MXI1: variants seen among roughly 807,000 people sequenced by gnomAD.
MXI1 encodes max-interacting protein 1.
In MXI1, 18 loss-of-function variants were observed where a neutral mutation model predicts 36.9. The ratio of observed to expected loss-of-function variants is 0.49; its 90% CI spans 0.34 to 0.72. The LOEUF is 0.72. Among genes scored for constraint, MXI1 ranks in the 30% least tolerant of loss-of-function variants. The pLI, the probability that MXI1 is intolerant of heterozygous loss-of-function variation, is 0.01. For missense variants in MXI1, 304 were observed against 379.1 expected (o/e 0.80, Z 1.64); for synonymous variants, 160 against 146.7 (o/e 1.09, Z -0.65).
intron 3 of MXI1, among the ~76,000 whole-genome samples, chr10:110,246,683 A>G (rs566001986): frequency 1.3e-5 from 2 of 152,316 alleles, no homozygotes; most frequent in East Asian, 1.9e-4. Context: ...CATTTGAGGC[A>G]TGTATAGGAG....
chr10:110,210,945 G>A (rs966744379), intron 1 of MXI1, among the ~76,000 whole-genome samples: 1 of 152,206 alleles, frequency 6.6e-6, no homozygotes, highest in African/African-American at 2.4e-5. Flanking sequence ...TTGGGGGAGG[G>A]AGAGGGATCT....
intron 1 of MXI1, among the ~76,000 whole-genome samples, chr10:110,224,966 T>G (rs1232483798): frequency 6.6e-6 from 1 of 152,202 alleles, no homozygotes; most frequent in Non-Finnish European, 1.5e-5. Context: ...TCTTTTAATG[T>G]GGTCTCCGCT....
intron 1 of MXI1, chr10:110,227,872 T>C: frequency 3.1e-6 from 1 of 319,108 alleles, no homozygotes; most frequent in Non-Finnish European, 6.0e-6. Context: ...GCGAAGTCAA[T>C]GAGGTGAATG....
At chr10:110,246,157 C>T (rs1037051279) in intron 3 of MXI1, among the ~76,000 whole-genome samples, 2 of 151,526 alleles carry the variant, frequency 1.3e-5, no homozygotes, top group Middle Eastern at 3.2e-3. Flanking sequence ...TGCCCTCCAT[C>T]TCTACCAAAA....
At chr10:110,226,052 G>A in intron 1 of MXI1, 1 of 990,434 alleles carries the variant, frequency 1.0e-6, no homozygotes, top group Non-Finnish European at 1.2e-6. Context: ...CGCGGCTGGG[G>A]CGGCAGGGGC....
intron 2 of MXI1, among the ~76,000 whole-genome samples, chr10:110,237,531 C>A (rs1350375617): frequency 1.3e-5 from 2 of 152,032 alleles, no homozygotes; most frequent in African/African-American, 4.8e-5. Flanking sequence ...TGAAATAAAT[C>A]CTACTTATTC....
intron 3 of MXI1, among the ~76,000 whole-genome samples, chr10:110,266,091 TAC>T (rs1431418154): frequency 6.6e-6 from 1 of 151,240 alleles, no homozygotes; most frequent in African/African-American, 2.4e-5. Context: ...ACAGCTAAAA[TAC>T]AGAGTCTTTT....
intron 1 of MXI1, among the ~76,000 whole-genome samples, chr10:110,220,061 G>A (rs1463550060): frequency 6.6e-6 from 1 of 152,216 alleles, no homozygotes; most frequent in African/African-American, 2.4e-5. Context: ...CCTTGGTTGA[G>A]ACCATTGCTT....
intron 1 of MXI1, among the ~76,000 whole-genome samples, chr10:110,213,579 T>C (rs1854559424): frequency 6.6e-6 from 1 of 152,240 alleles, no homozygotes; most frequent in Non-Finnish European, 1.5e-5. Context: ...AGGATATTGT[T>C]ACGGCTTTCA....
intron 3 of MXI1, among the ~76,000 whole-genome samples, chr10:110,256,892 A>G: frequency 6.6e-6 from 1 of 152,318 alleles, no homozygotes; most frequent in South Asian, 2.1e-4. Flanking sequence ...ACACTTTGCA[A>G]TTACTTAAGA....
At chr10:110,278,750 A>G (rs1174542685) in intron 3 of MXI1, among the ~76,000 whole-genome samples, 1 of 151,910 alleles carries the variant, frequency 6.6e-6, no homozygotes, top group Non-Finnish European at 1.5e-5. Context: ...GCAAGCAAGT[A>G]AAAGGTGGGA....
chr10:110,269,167 G>T (rs1856780009), intron 3 of MXI1, among the ~76,000 whole-genome samples: 2 of 152,184 alleles, frequency 1.3e-5, no homozygotes, highest in African/African-American at 2.4e-5. Context: ...AGTAAGCATG[G>T]TTACCACTTT....
At chr10:110,266,640 A>G (rs1856686347) in intron 3 of MXI1, among the ~76,000 whole-genome samples, 1 of 152,174 alleles carries the variant, frequency 6.6e-6, no homozygotes, top group African/African-American at 2.4e-5. Context: ...TTGGAGTACT[A>G]TTGAAGATGT....
Position 110,250,411 on chromosome 10 carries a change from A to T in MXI1, c.437+5554A>T, listed in dbSNP as rs185241130. ...GAAGAATTAAGATATTACTTTGCCC[A>T]TTGGCTTATCTTACAGTTTGGGTCC... On this transcript the variant is annotated intron_variant, in intron 3 of 5. Transcript: ENST00000332674. 3.0e-3 allele frequency among the ~76,000 whole-genome samples: 461 copies of T among 152,330 alleles called. 5 individuals carry two copies. Among genetic ancestry groups the T allele is most frequent in the African/African-American group, 0.01 (424 of 41,588 alleles).
At chr10:110,223,566 C>T (rs1161092805) in intron 1 of MXI1, among the ~76,000 whole-genome samples, 3 of 151,566 alleles carry the variant, frequency 2.0e-5, no homozygotes, top group East Asian at 1.9e-4. Flanking sequence ...AGTAAGACTC[C>T]GTCTCAAAAA....
At chr10:110,219,077 A>T (rs1172736905) in intron 1 of MXI1, among the ~76,000 whole-genome samples, 2 of 152,244 alleles carry the variant, frequency 1.3e-5, no homozygotes, top group Non-Finnish European at 2.9e-5. Flanking sequence ...AAGTGGGTGG[A>T]TCACCTGAGG....
intron 1 of MXI1, among the ~76,000 whole-genome samples, chr10:110,210,827 G>A (rs575623531): frequency 1.3e-5 from 2 of 152,352 alleles, no homozygotes; most frequent in East Asian, 3.9e-4. Context: ...GCGAGTCGGG[G>A]GGCGGGTCGT....
rs1857170647 is a variant in MXI1, at chr10:110,279,809, A to G, written c.553-105A>G. The G allele has an allele frequency of 7.0e-6, 5 of 717,910 alleles. 1 individual carries two copies. The highest frequency in any genetic ancestry group is 3.6e-5 in the Admixed American group (1 of 27,504). The allele number at this position is 717,910 out of a possible 1,614,324, so 44.5% of individuals were successfully genotyped here. On this transcript the variant is annotated intron_variant, in intron 4 of 5. Coordinates refer to ENST00000332674, the MANE Select transcript of MXI1 (RefSeq NM_130439.3). ...AATGTATTTATATATTTTTATACAC[A>G]CTCACACATGTATATTCATTCATGT...
chr10:110,261,270 T>C, intron 3 of MXI1: 1 of 433,618 alleles, frequency 2.3e-6, no homozygotes, highest in Non-Finnish European at 3.1e-6. Context: ...CTACTGTTTA[T>C]TTTTTTTGCT....
Sources: gnomAD v4.1 joint callset for allele counts (sites outside exome capture counted in the v4.1 genomes callset) on GRCh38, gnomAD v4.1.1 for gene constraint, MANE v1.5 for transcripts, NCBI Gene and HGNC (gene_info 2026-07-23, HGNC 2026-07-21) for gene names.